CHRNE: variants seen among roughly 807,000 people sequenced by gnomAD.
CHRNE encodes acetylcholine receptor subunit epsilon.
In CHRNE, 58 loss-of-function variants were observed where a neutral mutation model predicts 56.5. The ratio of observed to expected loss-of-function variants is 1.03; its 90% CI spans 0.83 to 1.28. The LOEUF is 1.28. Ranked by LOEUF, CHRNE falls within the 50% of genes most tolerant of loss-of-function variation. The pLI is 0.00. For missense variants in CHRNE, 793 were observed against 688.9 expected (o/e 1.15, Z -1.69); for synonymous variants, 385 against 297.9 (o/e 1.29, Z -3.01).
At chr17:4,900,209 C>G in intron 8 of CHRNE, 1 of 1,543,186 alleles carries the variant, frequency 6.5e-7, no homozygotes. Context: ...CCTCTGCCTC[C>G]CCGCTAACCC....
intron 11 of CHRNE, 39 bp downstream of exon 11, chr17:4,898,962 C>T (rs1314323997): frequency 7.9e-7 from 1 of 1,271,832 alleles, no homozygotes; most frequent in African/African-American, 1.4e-5. Context: ...CAGTGGTGGG[C>T]CTCTGCCTCG....
chr17:4,899,143 C>T (rs1338750992), intron 10 of CHRNE, 36 bp from the exon 11 acceptor site: 43 of 1,598,276 alleles, frequency 2.7e-5, no homozygotes, highest in Non-Finnish European at 3.6e-5. Flanking sequence ...CCTTAGGAGC[C>T]TCCCCCCTGG....
intron 8 of CHRNE, chr17:4,900,406 A>G (rs1480710584): frequency 6.4e-7 from 1 of 1,550,650 alleles, no homozygotes; most frequent in Admixed American, 2.0e-5. Flanking sequence ...CTCCTAGTCC[A>G]GGGAGCATGG....
chr17:4,901,369 G>C, intron 6 of CHRNE, 156 bp downstream of exon 6: 1 of 936,816 alleles, frequency 1.1e-6, no homozygotes, highest in East Asian at 2.6e-5. Context: ...GGCAGGACTA[G>C]AGTAACAATC....
chr17:4,907,430 T>A (rs1407394813), upstream of CHRNE, among the ~76,000 whole-genome samples: 1 of 150,832 alleles, frequency 6.6e-6, no homozygotes, highest in Non-Finnish European at 1.5e-5. Context: ...TAGCCGGGCA[T>A]GGTGGCGGGC....
Position 4,899,480 on chromosome 17 carries a change from C to G in CHRNE, c.1020G>C (p.Pro340=). Residue 340 remains proline (P), a synonymous_variant, in exon 9 of 12, where the codon CCG becomes CCC. Transcript: ENST00000649488. The part of the protein sequence containing the change: ...QRTPTTHAMS[P]RLRHVLLELL... ...CCTCCGCGCTTACGTGGCGCAGCCG[C>G]GGGGACATGGCGTGGGTGGTGGGCG... The G allele has an allele frequency of 6.3e-7, 1 of 1,596,830 alleles. No individual in the cohort carries two copies. Among genetic ancestry groups the G allele is most frequent in the South Asian group, 1.1e-5 (1 of 87,884 alleles).
At chr17:4,900,732 G>T (rs1969952885) in intron 8 of CHRNE, 61 bp downstream of exon 8, 2 of 1,538,610 alleles carry the variant, frequency 1.3e-6, no homozygotes, top group Non-Finnish European at 8.9e-7. Context: ...GGGGTCTCTG[G>T]GTTTTGGCCA....
chr17:4,899,393 G>T lies in CHRNE; in HGVS notation c.1033-9C>A, dbSNP rs1055824191. ...AGCAGCTCCAGGAGAACCTGGGGCA[G>T]GGGCGGGGCTTAGGGGACGAGGTTA... On this transcript the variant is annotated splice_polypyrimidine_tract_variant and intron_variant, in intron 9 of 11. Transcript: ENST00000649488. 4.6e-6 allele frequency: 7 copies of T among 1,534,714 alleles called. No homozygotes were observed. In the African/African-American group the frequency reaches 8.3e-5, roughly 18 times the overall value.
rs768258598 is a variant in CHRNE, at chr17:4,899,077, G to T, written c.1250C>A (p.Ala417Asp). Reference sequence around the variant, plus strand: ...ATCCACACAGCAGCGGACCTCGGGGGCGGCGGCGCCCAGGCTCTGGCAGAA... The same window carrying T: ...ATCCACACAGCAGCGGACCTCGGGGTCGGCGGCGCCCAGGCTCTGGCAGAA... ...AAFCQSLGAAAPEVRCCVDAV... is the reference protein window; with the variant it reads ...AAFCQSLGAADPEVRCCVDAV... Residue 417 changes from alanine to aspartate, a missense_variant, in exon 11 of 12, where the codon GCC becomes GAC. Physicochemically the swap from Ala to Asp is moderately radical, Grantham distance 126. Transcript: ENST00000649488. 1.2e-6 allele frequency: 2 copies of T among 1,611,268 alleles called. No homozygotes were observed. Among genetic ancestry groups the T allele is most frequent in the Non-Finnish European group, 1.7e-6 (2 of 1,179,584 alleles).
At position 4,902,733 on chromosome 17, in the gene CHRNE, C is replaced by G. The variant is rs188661284; in HGVS notation, c.77G>C (p.Arg26Pro). 3 of 1,613,900 alleles carry G rather than the reference C, an allele frequency of 1.9e-6. No individual in the cohort carries two copies. The highest frequency in any genetic ancestry group is 1.7e-5 in the Admixed American group (1 of 59,992). ...GRGVGKNEELRLYHHLFNNYD... is the reference protein window; with the variant it reads ...GRGVGKNEELPLYHHLFNNYD... ...GTTGTTGAAGAGATGGTGATAAAGA[C>G]GCAGTTCCTCGTTCTTCCCCACACC... Residue 26 changes from arginine (R) to proline (P), a missense_variant, in exon 2 of 12, where the codon CGT becomes CCT. Physicochemically the swap from Arg to Pro is moderately radical, Grantham distance 103 (BLOSUM62 -2). Transcript: ENST00000649488. The surrounding 1 kb of genome is among the most constrained non-coding windows in gnomAD (Gnocchi z 4.0).
chr17:4,898,892 C>G lies in CHRNE; in HGVS notation c.1327-1G>C. On this transcript the variant is annotated splice_acceptor_variant, in intron 11 of 11. Transcript: ENST00000649488. LOFTEE classifies it high-confidence loss of function. ...CCATGCGCACCCAGTCGGACACTTC[C>G]TGGGGAAGGGTCGGCACAGTCAGTA... is the stretch of plus-strand genomic sequence containing the variant. 1 of 1,577,264 alleles carries G rather than the reference C, an allele frequency of 6.3e-7. No homozygotes were observed. Among genetic ancestry groups the G allele is most frequent in the Non-Finnish European group, 8.6e-7 (1 of 1,161,898 alleles).
Position 4,900,901 on chromosome 17 carries a change from C to A in CHRNE, c.809G>T (p.Gly270Val), listed in dbSNP as rs1420102141. Residue 270 changes from glycine to valine, a missense_variant, in exon 8 of 12, where the codon GGC becomes GTC. By Grantham distance (109) the Gly-to-Val change is moderately radical. Coordinates refer to ENST00000649488, the MANE Select transcript of CHRNE (RefSeq NM_000080.4). ...GTTGATGGAGACCGTGCATTTCTGG[C>A]CGCCGGCTGGAGGGAGAGCCAGTGA... ...LAYFLPAQAG[G>V]QKCTVSINVL... The A allele has an allele frequency of 1.2e-6, 2 of 1,614,180 alleles. No individual in the cohort carries two copies. The highest frequency in any genetic ancestry group is 1.7e-6 in the Non-Finnish European group (2 of 1,180,000).
chr17:4,899,345 G>A lies in CHRNE; in HGVS notation c.1072C>T (p.Pro358Ser), dbSNP rs1413562398. 2 of 1,544,966 alleles carry A rather than the reference G, an allele frequency of 1.3e-6. No homozygotes were observed. Among genetic ancestry groups the A allele is most frequent in the East Asian group, 4.8e-5 (2 of 41,482 alleles). Reference protein sequence around the residue: ...ELLPRLLGSPPPPEAPRAASP... With the variant: ...ELLPRLLGSPSPPEAPRAASP... ...GCGGCCCGGGGGGCCTCGGGCGGCG[G>A]CGGGGAGCCCAGGAGGCGCGGCAGC... is the stretch of plus-strand genomic sequence containing the variant. The change falls in exon 10 of 12, where the codon CCG becomes TCG. Residue 358 changes from proline to serine, a missense_variant. Physicochemically the swap from Pro to Ser is moderately conservative, Grantham distance 74. Transcript: ENST00000649488.
upstream of CHRNE, among the ~76,000 whole-genome samples, chr17:4,903,447 A>G (rs1396463191): frequency 6.6e-6 from 1 of 152,024 alleles, no homozygotes; most frequent in Non-Finnish European, 1.5e-5. Flanking sequence ...TGACTGATGA[A>G]CACATCTGGG....
chr17:4,901,406 C>T, intron 6 of CHRNE, 119 bp downstream of exon 6: 1 of 1,050,840 alleles, frequency 9.5e-7, no homozygotes, highest in Non-Finnish European at 1.5e-6. Context: ...CAGGGGTAAG[C>T]TAAACCCAGT....
rs767704727 is a variant in CHRNE, at chr17:4,901,112, T to G, written c.680A>C (p.Glu227Ala). ...GATGAGCGAGTAGATGACGTCAGTCTCCCCTGGGCCGTCGGTGGCGCCACC... is the reference window on the plus strand; with the variant it reads ...GATGAGCGAGTAGATGACGTCAGTCGCCCCTGGGCCGTCGGTGGCGCCACC... ...HHGGATDGPGETDVIYSLIIR... is the reference protein window; with the variant it reads ...HHGGATDGPGATDVIYSLIIR... The change falls in exon 7 of 12, where the codon GAG becomes GCG. Residue 227 changes from glutamate (E) to alanine (A), a missense_variant. Physicochemically the swap from Glu to Ala is moderately radical, Grantham distance 107. Coordinates refer to ENST00000649488, the MANE Select transcript of CHRNE (RefSeq NM_000080.4). The G allele has an allele frequency of 6.2e-7, 1 of 1,613,290 alleles. No individual in the cohort carries two copies. Among genetic ancestry groups the G allele is most frequent in the East Asian group, 2.2e-5 (1 of 44,834 alleles).
In CHRNE at chr17:4,898,398, T is replaced by C; in HGVS notation, c.*338A>G. The C allele has an allele frequency of 5.3e-6, 2 of 377,858 alleles. No homozygotes were observed. The highest frequency in any genetic ancestry group is 1.0e-5 in the Non-Finnish European group (2 of 198,530). The allele number at this position is 377,858 out of a possible 1,614,324, so 23.4% of individuals were successfully genotyped here. ...AGGGGTCTCCTGTTTGGCTATGAAA[T>C]GAATATAGATAGATAGCTCACAAGC... is the stretch of plus-strand genomic sequence containing the variant. On this transcript the variant is annotated 3_prime_UTR_variant, in exon 12 of 12. Transcript: ENST00000649488.
chr17:4,901,236 C>CAA (rs746035699), intron 6 of CHRNE, 46 bp from the exon 7 acceptor site: 1 of 1,585,332 alleles, frequency 6.3e-7, no homozygotes, highest in South Asian at 1.1e-5. Context: ...GCGGGGCGCC[C>CAA]GCCGAGCTGA....
chr17:4,899,276 C>A lies in CHRNE; in HGVS notation c.1141G>T (p.Ala381Ser). 1 of 1,601,688 alleles carries A rather than the reference C, an allele frequency of 6.2e-7. No homozygotes were observed. The highest frequency in any genetic ancestry group is 8.5e-7 in the Non-Finnish European group (1 of 1,178,452). The stretch of plus-strand genomic sequence containing the variant: ...GGCTTTTTCAGTATCAGCTCCTCCG[C>A]GCGGAGCAATAAGCCCACCGACGAC... ...RASSVGLLLR[A>S]EELILKKPRS... Residue 381 changes from alanine to serine, a missense_variant, in exon 10 of 12, where the codon GCG becomes TCG. Ala to Ser is a moderately conservative substitution (Grantham distance 99, BLOSUM62 1). Coordinates refer to ENST00000649488, the MANE Select transcript of CHRNE (RefSeq NM_000080.4).
Sources: gnomAD v4.1 joint callset for allele counts (sites outside exome capture counted in the v4.1 genomes callset) on GRCh38, gnomAD v4.1.1 for gene constraint, Gnocchi (gnomAD v3.1) non-coding constraint, MANE v1.5 for transcripts, NCBI Gene and HGNC (gene_info 2026-07-23, HGNC 2026-07-21) for gene names.